Variants in KCNMA1 observed in about 807,000 individuals in gnomAD.
KCNMA1 encodes Calcium-activated potassium channel subunit alpha-1.
In KCNMA1, 29 loss-of-function variants were observed where a neutral mutation model predicts 140.0. That is an observed-to-expected ratio of 0.21 (90% confidence interval 0.15 to 0.28). The LOEUF (loss-of-function observed/expected upper bound fraction) is 0.28, where lower values mean the gene tolerates loss of function less well. Among genes scored for constraint, KCNMA1 ranks in the 10% least tolerant of loss-of-function variants. The probability of loss-of-function intolerance (pLI) is 1.00; values close to 1 mark genes in which losing one functional copy is unlikely to be tolerated. For missense variants in KCNMA1, 880 were observed against 1,602.2 expected (o/e 0.55, Z 7.70); for synonymous variants, 612 against 611.9 (o/e 1.00, Z 0.00).
intron 1 of KCNMA1, among the ~76,000 whole-genome samples, chr10:77,597,795 T>C (rs1045244390): frequency 3.0e-4 from 46 of 152,144 alleles, no homozygotes; most frequent in African/African-American, 1.1e-3. Flanking sequence ...CAGAAAGCCA[T>C]ATGGCTTTCT....
At chr10:77,121,622 A>T (rs576714755) in intron 5 of KCNMA1, among the ~76,000 whole-genome samples, 1 of 151,996 alleles carries the variant, frequency 6.6e-6, no homozygotes, top group South Asian at 2.1e-4. Flanking sequence ...CAACTTCAGG[A>T]TTCAAAATTT....
chr10:77,473,945 C>T (rs942479860), intron 1 of KCNMA1, among the ~76,000 whole-genome samples: 8 of 152,200 alleles, frequency 5.3e-5, no homozygotes, highest in African/African-American at 1.9e-4. Context: ...CGCTCAGCCT[C>T]GCTGCGTTCT....
intron 1 of KCNMA1, among the ~76,000 whole-genome samples, chr10:77,518,989 C>T (rs1186333795): frequency 6.6e-6 from 1 of 152,204 alleles, no homozygotes; most frequent in Non-Finnish European, 1.5e-5. Flanking sequence ...AGGTCTCTTT[C>T]CCCAGCCCTG....
In KCNMA1 at chr10:77,019,078, G is replaced by A. The variant is rs1241233284; in HGVS notation, c.1950C>T (p.Asn650=). 2.5e-6 allele frequency: 4 copies of A among 1,579,754 alleles called. No homozygotes were observed. The Admixed American group carries it at 5.0e-5, about 20-fold the overall frequency. The change falls in exon 17 of 28, where the codon AAC becomes AAT. Residue 650 remains asparagine, a synonymous_variant. Coordinates refer to ENST00000286628, the MANE Select transcript of KCNMA1 (RefSeq NM_001161352.2). ...AAGTACCTTCTTGGATCTTAAGATG[G>A]TTTCCAGGATTAATTAATATACTGC... is the stretch of plus-strand genomic sequence containing the variant. ...RESRILINPG[N]HLKIQEGTLG...
rs189838601 is a variant in KCNMA1 at position 77,434,359 on chromosome 10, A to G, written c.379-30336T>C. Among the ~76,000 whole-genome samples the G allele has an allele frequency of 2.0e-5, 3 of 152,358 alleles. No homozygotes were observed. The East Asian group carries it at 5.8e-4, about 29-fold the overall frequency. ...GGAAAGGAGGTATCTTGTTCTGGAC[A>G]GTGTGGGCTGGAGCTGCTGGCGGTC... On this transcript the variant is annotated intron_variant, in intron 1 of 27. Transcript: ENST00000286628.
At chr10:77,137,871 T>A (rs942413596) in intron 5 of KCNMA1, among the ~76,000 whole-genome samples, 1 of 152,152 alleles carries the variant, frequency 6.6e-6, no homozygotes, top group Non-Finnish European at 1.5e-5. Context: ...AGCCTCGACC[T>A]CCTGGGCTCA....
intron 3 of KCNMA1, among the ~76,000 whole-genome samples, chr10:77,223,193 C>T (rs977427083): frequency 1.3e-5 from 2 of 151,632 alleles, no homozygotes; most frequent in Non-Finnish European, 2.9e-5. Flanking sequence ...CATGCCATTG[C>T]ACTCCAGCTC....
intron 1 of KCNMA1, chr10:77,636,183 C>T: frequency 7.0e-7 from 1 of 1,421,802 alleles, no homozygotes; most frequent in Non-Finnish European, 9.2e-7. Context: ...AGAAAGAAGG[C>T]AGCTGGCTCA....
At chr10:77,262,259 C>T (rs954148324) in intron 2 of KCNMA1, among the ~76,000 whole-genome samples, 6 of 152,236 alleles carry the variant, frequency 3.9e-5, no homozygotes, top group South Asian at 2.1e-4. Context: ...GTCCATACTA[C>T]GACGTGAATG....
At chr10:77,072,634 T>G (rs1382738231) in intron 14 of KCNMA1, among the ~76,000 whole-genome samples, 1 of 152,156 alleles carries the variant, frequency 6.6e-6, no homozygotes, top group Non-Finnish European at 1.5e-5. Context: ...CCTCCTTGAT[T>G]GTGCAGAAAT....
chr10:77,587,066 C>G (rs1046000403), intron 1 of KCNMA1: 1 of 152,200 alleles, frequency 6.6e-6, no homozygotes, highest in Admixed American at 6.5e-5. Context: ...GCCATACCAC[C>G]CTGGACACAC....
At chr10:77,332,952 C>T (rs1053734578) in intron 2 of KCNMA1, among the ~76,000 whole-genome samples, 3 of 152,184 alleles carry the variant, frequency 2.0e-5, no homozygotes, top group Admixed American at 6.5e-5. Flanking sequence ...GTGAAATGCA[C>T]GAAGAGCAAG....
intron 2 of KCNMA1, among the ~76,000 whole-genome samples, chr10:77,401,403 C>T (rs2096262114): frequency 6.6e-6 from 1 of 152,152 alleles, no homozygotes; most frequent in Non-Finnish European, 1.5e-5. Context: ...GATCCACCCA[C>T]CTGAGCCTCC....
chr10:77,515,446 CT>C (rs2050060729), intron 1 of KCNMA1, among the ~76,000 whole-genome samples: 1 of 152,168 alleles, frequency 6.6e-6, no homozygotes, highest in African/African-American at 2.4e-5. Flanking sequence ...AGTTTGTCCC[CT>C]CTCATAGGTA....
At chr10:77,239,381 G>A (rs2056608008) in intron 3 of KCNMA1, among the ~76,000 whole-genome samples, 1 of 152,184 alleles carries the variant, frequency 6.6e-6, no homozygotes, top group Admixed American at 6.5e-5. Context: ...TTCTGGCATG[G>A]AGTGAGGGTA....
intron 5 of KCNMA1, among the ~76,000 whole-genome samples, chr10:77,168,132 G>T (rs193174235): frequency 5.2e-4 from 79 of 152,236 alleles, no homozygotes; most frequent in African/African-American, 1.9e-3. Context: ...TAAACCGTGG[G>T]TATATAGTAG....
intron 5 of KCNMA1, among the ~76,000 whole-genome samples, chr10:77,175,884 C>T (rs987549945): frequency 6.6e-6 from 1 of 152,198 alleles, no homozygotes; most frequent in Non-Finnish European, 1.5e-5. Flanking sequence ...GGGTCTGCCT[C>T]CACTCTCTGG....
intron 3 of KCNMA1, among the ~76,000 whole-genome samples, chr10:77,244,297 CTCTAATACTATAT>C (rs547935397): frequency 6.6e-6 from 1 of 152,288 alleles, no homozygotes; most frequent in Admixed American, 6.5e-5. Flanking sequence ...GCCTCTTTGA[CTCTAATACTATAT>C]TCTACAGTTG....
intron 15 of KCNMA1, among the ~76,000 whole-genome samples, chr10:77,030,516 G>T (rs2093855095): frequency 6.6e-6 from 1 of 152,128 alleles, no homozygotes; most frequent in African/African-American, 2.4e-5. Flanking sequence ...AGGTTAATTT[G>T]CTAATATCCT....
Sources: allele counts gnomAD v4.1 joint callset (sites outside exome capture counted in the v4.1 genomes callset), GRCh38; gene constraint gnomAD v4.1.1; transcripts MANE v1.5; gene names NCBI Gene and HGNC (gene_info 2026-07-23, HGNC 2026-07-21).